The following SLC71A1 variants were observed in gnomAD, a reference collection of about 807,000 sequenced individuals.
SLC71A1 encodes the protein hippocampus abundant gene transcript 1.
chr1:100,060,141 A>T, the SLC71A1 span: 2 of 788,800 alleles, frequency 2.5e-6, no homozygotes, highest in Non-Finnish European at 3.8e-6. Context: ...TTATTCTTTC[A>T]CACAGATAAG....
chr1:100,078,542 C>G, the SLC71A1 span: 2 of 1,608,364 alleles, frequency 1.2e-6, no homozygotes, highest in Admixed American at 1.7e-5. Context: ...TGATGCTGAT[C>G]AACAGGGTGA....
At chr1:100,048,045 T>A in the SLC71A1 span, among the ~76,000 whole-genome samples, 1 of 152,162 alleles carries the variant, frequency 6.6e-6, no homozygotes, top group Non-Finnish European at 1.5e-5. Context: ...TACCTATACA[T>A]GTTATATCCT....
chr1:100,055,686 T>C, the SLC71A1 span, among the ~76,000 whole-genome samples: 491 of 152,120 alleles, frequency 3.2e-3, 1 homozygote, highest in Non-Finnish European at 5.8e-3. Context: ...GTAAATGGGG[T>C]ATCCATCATT....
chr1:100,057,512 G>A, the SLC71A1 span, among the ~76,000 whole-genome samples: 2 of 151,658 alleles, frequency 1.3e-5, no homozygotes, highest in Non-Finnish European at 2.9e-5. Flanking sequence ...CTGCCACCAC[G>A]CCTGGCTAAT....
At chr1:100,055,479 A>G in the SLC71A1 span, among the ~76,000 whole-genome samples, 1 of 151,818 alleles carries the variant, frequency 6.6e-6, no homozygotes, top group Non-Finnish European at 1.5e-5. Flanking sequence ...ATGCAGTAGA[A>G]CTCTAAAAAG....
At chr1:100,061,983 C>A in the SLC71A1 span, 1 of 1,197,982 alleles carries the variant, frequency 8.3e-7, no homozygotes, top group Non-Finnish European at 1.2e-6. Flanking sequence ...TTTGTATCTG[C>A]TGAGAAATGC....
At chr1:100,043,474 C>A in the SLC71A1 span, among the ~76,000 whole-genome samples, 1 of 152,102 alleles carries the variant, frequency 6.6e-6, no homozygotes, top group African/African-American at 2.4e-5. Flanking sequence ...TCCTTCCAGT[C>A]GTGGGAAACT....
chr1:100,038,444 G>A, the SLC71A1 span: 1 of 764,942 alleles, frequency 1.3e-6, no homozygotes, highest in Non-Finnish European at 2.2e-6. Flanking sequence ...CCGAGCTGCC[G>A]GTGCCTCGGG....
chr1:100,074,943 T>C, the SLC71A1 span, among the ~76,000 whole-genome samples: 2 of 152,198 alleles, frequency 1.3e-5, no homozygotes, highest in Non-Finnish European at 2.9e-5. Flanking sequence ...AAAAAGGAAA[T>C]GAGGCTAATA....
At chr1:100,041,880 C>T in the SLC71A1 span, among the ~76,000 whole-genome samples, 5 of 151,252 alleles carry the variant, frequency 3.3e-5, no homozygotes, top group African/African-American at 7.3e-5. Flanking sequence ...GCCTAGATCA[C>T]GCCACTGCAT....
chr1:100,070,898 C>T, the SLC71A1 span, among the ~76,000 whole-genome samples: 1 of 151,978 alleles, frequency 6.6e-6, no homozygotes. Context: ...AGTAGGATTC[C>T]TTCTGCAGGT....
chr1:100,051,458 G>A, the SLC71A1 span, among the ~76,000 whole-genome samples: 39 of 134,024 alleles, frequency 2.9e-4, no homozygotes, highest in African/African-American at 9.0e-4. Flanking sequence ...ATATCAGAGG[G>A]TTTTTTTTTT....
At chr1:100,074,471 C>G in the SLC71A1 span, among the ~76,000 whole-genome samples, 1 of 151,816 alleles carries the variant, frequency 6.6e-6, no homozygotes, top group African/African-American at 2.4e-5. Context: ...CCCAGCTACT[C>G]GGGAGGCTGA....
chr1:100,078,449 A>G, the SLC71A1 span: 1 of 1,605,044 alleles, frequency 6.2e-7, no homozygotes, highest in Non-Finnish European at 8.5e-7. Context: ...CTCTCCTTAT[A>G]GGATGATGTG....
the SLC71A1 span, among the ~76,000 whole-genome samples, chr1:100,072,131 G>A: frequency 6.6e-6 from 1 of 152,212 alleles, no homozygotes; most frequent in South Asian, 2.1e-4. Flanking sequence ...TAGCCTCAAA[G>A]GTAGAAGAAT....
At chr1:100,059,783 A>G in the SLC71A1 span, 1 of 1,084,840 alleles carries the variant, frequency 9.2e-7, no homozygotes, top group Non-Finnish European at 1.3e-6. Context: ...TTAGAAACAA[A>G]GTTGTTGAAA....
the SLC71A1 span, among the ~76,000 whole-genome samples, chr1:100,066,412 A>T: frequency 1.3e-5 from 2 of 152,244 alleles, no homozygotes; most frequent in Admixed American, 6.5e-5. Flanking sequence ...GGGTTTATGG[A>T]GATGCCCTTA....
chr1:100,061,386 T>A, the SLC71A1 span, among the ~76,000 whole-genome samples: 3 of 152,214 alleles, frequency 2.0e-5, no homozygotes, highest in African/African-American at 7.2e-5. Flanking sequence ...AGATAACTTA[T>A]GGAAAACATT....
At chr1:100,039,478 T>C in the SLC71A1 span, among the ~76,000 whole-genome samples, 1 of 152,234 alleles carries the variant, frequency 6.6e-6, no homozygotes, top group Admixed American at 6.5e-5. Flanking sequence ...ATGTAATGAC[T>C]TTGGAATATA....
Sources: allele counts gnomAD v4.1 joint callset (sites outside exome capture counted in the v4.1 genomes callset), GRCh38; gene constraint gnomAD v4.1.1; transcripts MANE v1.5; gene names NCBI Gene and HGNC (gene_info 2026-07-23, HGNC 2026-07-21).